DNAAF6: variants seen among roughly 807,000 people sequenced by gnomAD.
DNAAF6 encodes the protein dynein axonemal assembly factor 6, also known as PIH1 domain containing 3.
Under a neutral mutation model 13.7 loss-of-function variants are expected in DNAAF6, and 3 were observed. The ratio of observed to expected loss-of-function variants is 0.22; its 90% CI spans 0.10 to 0.56. The LOEUF (loss-of-function observed/expected upper bound fraction) is 0.56, where lower values mean the gene tolerates loss of function less well. DNAAF6 is among the 20% of genes least tolerant of loss of function. The pLI is 0.92. For synonymous variants in DNAAF6, 54 were observed against 49.2 expected (o/e 1.10, Z -0.41); for missense variants, 130 against 151.0 (o/e 0.86, Z 0.73).
rs1369644906 is a variant in DNAAF6 at position 107,216,735 on chromosome X, A to G, written c.218A>G (p.Glu73Gly). 8.4e-7 allele frequency: 1 copy of G among 1,185,009 alleles called. No individual in the cohort carries two copies. Among genetic ancestry groups the G allele is most frequent in the East Asian group, 3.0e-5 (1 of 33,552 alleles). The change falls in exon 3 of 7, where the codon GAG becomes GGG. Residue 73 changes from glutamate (E) to glycine (G), a missense_variant. Coordinates refer to ENST00000372453, the MANE Select transcript of DNAAF6 (RefSeq NM_173494.2). ...PGNIGPPQIE[E>G]LKVIPETSEE... ...AATATTGGACCACCCCAAATAGAAG[A>G]GCTCAAAGGTAAGTTATTTAACAAA...
chrX:107,231,527 C>T (rs1928396565), intron 5 of DNAAF6, among the ~76,000 whole-genome samples: 1 of 110,962 alleles, frequency 9.0e-6, no homozygotes, highest in South Asian at 3.8e-4. Context: ...GCCTTTTTAC[C>T]ATTTGTGAAG....
intron 6 of DNAAF6, 150 bp downstream of exon 6, chrX:107,239,157 A>G: frequency 1.1e-6 from 1 of 893,598 alleles, no homozygotes; most frequent in Non-Finnish European, 1.4e-6. Context: ...ATCTACATTA[A>G]TATAAACATA....
chrX:107,226,700 T>G (rs752204864), intron 5 of DNAAF6, among the ~76,000 whole-genome samples: 38 of 112,047 alleles, frequency 3.4e-4, no homozygotes, highest in Non-Finnish European at 6.2e-4. Flanking sequence ...AAAGGCAGCT[T>G]GCAGATAGCT....
intron 4 of DNAAF6, among the ~76,000 whole-genome samples, chrX:107,219,310 C>T (rs1360992325): frequency 8.9e-6 from 1 of 111,918 alleles, no homozygotes; most frequent in Admixed American, 9.5e-5. Flanking sequence ...AACTAAATTA[C>T]AATGCCATGT....
chrX:107,242,010 A>G (rs1444233690), intron 6 of DNAAF6, among the ~76,000 whole-genome samples: 1 of 112,231 alleles, frequency 8.9e-6, no homozygotes, highest in Admixed American at 9.5e-5. Flanking sequence ...AGCACAACCT[A>G]TATAGTAAAC....
intron 5 of DNAAF6, among the ~76,000 whole-genome samples, chrX:107,223,737 A>G (rs1032263151): frequency 1.8e-5 from 2 of 111,254 alleles, no homozygotes; most frequent in Admixed American, 9.6e-5. Flanking sequence ...CATGAACTTC[A>G]GGTTTTCTCT....
At chrX:107,221,866 T>C (rs1376578570) in intron 4 of DNAAF6, among the ~76,000 whole-genome samples, 1 of 108,122 alleles carries the variant, frequency 9.2e-6, no homozygotes, top group East Asian at 2.9e-4. Flanking sequence ...CCTTTAGTCT[T>C]ACTATCCAGA....
At chrX:107,207,088 G>A (rs1462581470) in intron 1 of DNAAF6, 1 of 111,457 alleles carries the variant, frequency 9.0e-6, no homozygotes, top group Admixed American at 9.5e-5. Flanking sequence ...TTTTCTTATA[G>A]GAGGACCTGG....
intron 4 of DNAAF6, among the ~76,000 whole-genome samples, chrX:107,219,606 A>G (rs1167193883): frequency 4.5e-5 from 5 of 111,697 alleles, no homozygotes; most frequent in African/African-American, 9.8e-5. Context: ...TTATATACAT[A>G]GATTAAATTA....
chrX:107,220,473 TC>T (rs1477758781), intron 4 of DNAAF6, among the ~76,000 whole-genome samples: 10 of 112,069 alleles, frequency 8.9e-5, no homozygotes, highest in Admixed American at 6.6e-4. Flanking sequence ...AGATAGAACA[TC>T]CATGAAAGCT....
intron 5 of DNAAF6, among the ~76,000 whole-genome samples, chrX:107,231,049 A>G (rs1367832089): frequency 8.9e-6 from 1 of 112,146 alleles, no homozygotes; most frequent in Non-Finnish European, 1.9e-5. Context: ...ATGTAATAAT[A>G]GTGAATACTG....
intron 5 of DNAAF6, among the ~76,000 whole-genome samples, chrX:107,232,045 A>C (rs1434994065): frequency 9.0e-6 from 1 of 110,656 alleles, no homozygotes; most frequent in Non-Finnish European, 1.9e-5. Context: ...TTTTCTAGAG[A>C]TGTGGTTTCA....
At chrX:107,236,629 T>C (rs902301919) in intron 5 of DNAAF6, among the ~76,000 whole-genome samples, 2 of 111,965 alleles carry the variant, frequency 1.8e-5, no homozygotes, top group Non-Finnish European at 3.8e-5. Flanking sequence ...GAAGAAAAAT[T>C]AGTGAGTTGT....
chrX:107,239,567 G>A (rs900702398), intron 6 of DNAAF6, among the ~76,000 whole-genome samples: 1 of 111,251 alleles, frequency 9.0e-6, no homozygotes, highest in Non-Finnish European at 1.9e-5. Flanking sequence ...ACTGGATTTG[G>A]GAGGCAGGCA....
At chrX:107,220,994 CAG>C (rs979216776) in intron 4 of DNAAF6, among the ~76,000 whole-genome samples, 3 of 104,347 alleles carry the variant, frequency 2.9e-5, no homozygotes, top group Non-Finnish European at 5.8e-5. Flanking sequence ...TTTTCTGAGA[CAG>C]AGTCTTGCTC....
chrX:107,240,749 G>A (rs752438711), intron 6 of DNAAF6, among the ~76,000 whole-genome samples: 7 of 111,643 alleles, frequency 6.3e-5, no homozygotes, highest in South Asian at 3.7e-4. Context: ...GAGGAAAGAC[G>A]GAGAAAATTG....
chrX:107,242,816 C>T (rs1450127450), intron 6 of DNAAF6, among the ~76,000 whole-genome samples: 2 of 111,853 alleles, frequency 1.8e-5, no homozygotes, highest in African/African-American at 3.2e-5. Flanking sequence ...TTGTATCCGT[C>T]GGCCACATTG....
intron 5 of DNAAF6, among the ~76,000 whole-genome samples, chrX:107,230,976 C>T (rs1322433104): frequency 8.9e-6 from 1 of 111,939 alleles, no homozygotes; most frequent in Non-Finnish European, 1.9e-5. Context: ...TTTACTTCTT[C>T]CTTTCCAATC....
chrX:107,229,797 C>T (rs1928344078), intron 5 of DNAAF6, among the ~76,000 whole-genome samples: 1 of 111,033 alleles, frequency 9.0e-6, no homozygotes, highest in East Asian at 2.9e-4. Flanking sequence ...ACACCATTCT[C>T]CTGCCTCAGG....
Sources: allele counts gnomAD v4.1 joint callset (sites outside exome capture counted in the v4.1 genomes callset), GRCh38; gene constraint gnomAD v4.1.1; transcripts MANE v1.5; gene names NCBI Gene and HGNC (gene_info 2026-07-23, HGNC 2026-07-21).